The following REV3L variants were observed in gnomAD, a reference collection of about 807,000 sequenced individuals.
REV3L encodes DNA polymerase zeta catalytic subunit.
REV3L carries 69 observed loss-of-function variants against 299.4 expected under a neutral mutation model. The observed-to-expected ratio is 0.23, with a 90% confidence interval of 0.19 to 0.28. The LOEUF is 0.28. Among genes scored for constraint, REV3L ranks in the 10% least tolerant of loss-of-function variants. The pLI, the probability that REV3L is intolerant of heterozygous loss-of-function variation, is 1.00. For missense variants in REV3L, 3,128 were observed against 3,693.8 expected (o/e 0.85, Z 3.97); for synonymous variants, 1,238 against 1,271.4 (o/e 0.97, Z 0.56).
At chr6:111,478,095 C>T (rs1031351132) in intron 1 of REV3L, among the ~76,000 whole-genome samples, 1 of 152,220 alleles carries the variant, frequency 6.6e-6, no homozygotes, top group African/African-American at 2.4e-5. Context: ...TGTCAATTAC[C>T]TTGTAGCTGT....
Position 111,381,398 on chromosome 6 carries a change from T to G in REV3L, c.1143A>C (p.Ala381=). The change falls in exon 10 of 32, where the codon GCA becomes GCC. Residue 381 remains alanine, a synonymous_variant. Coordinates refer to ENST00000368802, the MANE Select transcript of REV3L (RefSeq NM_001372078.1). The part of the protein sequence containing the change: ...KVEEALINEE[A]ILNLMENSQT... ...GACTATTTTCCATAAGGTTCAAAAT[T>G]GCTTCTTCATTAATAAGAGCTTCTT... is the stretch of plus-strand genomic sequence containing the variant. 1 of 1,613,486 alleles carries G rather than the reference T, an allele frequency of 6.2e-7. No homozygotes were observed. The highest frequency in any genetic ancestry group is 8.5e-7 in the Non-Finnish European group (1 of 1,179,686).
chr6:111,419,254 G>GCACT (rs1203562205), intron 1 of REV3L, among the ~76,000 whole-genome samples: 1 of 152,008 alleles, frequency 6.6e-6, no homozygotes, highest in Non-Finnish European at 1.5e-5. Flanking sequence ...TCTTGGCATA[G>GCACT]CACTAACAGC....
At chr6:111,394,265 T>A (rs1320006708) in intron 4 of REV3L, among the ~76,000 whole-genome samples, 1 of 152,198 alleles carries the variant, frequency 6.6e-6, no homozygotes, top group Non-Finnish European at 1.5e-5. Context: ...CAACAGTGTA[T>A]AAGAGTTTCC....
chr6:111,425,467 A>G (rs1207481244), intron 1 of REV3L, among the ~76,000 whole-genome samples: 1 of 152,194 alleles, frequency 6.6e-6, no homozygotes, highest in Non-Finnish European at 1.5e-5. Flanking sequence ...TCAAAAAAGA[A>G]AAAAGAATAG....
rs755045446 is a variant in REV3L, at chr6:111,376,175, C to T, written c.2180G>A (p.Gly727Glu). The T allele has an allele frequency of 2.5e-6, 4 of 1,612,162 alleles. No homozygotes were observed. The Admixed American group carries it at 5.0e-5, about 20-fold the overall frequency. ...TAAACTACTCAGAGCTGTGCTGTTT[C>T]CTTTTTCATTTCCTTCAGAGGATAC... ...NKVSSEGNEK[G>E]NSTALSSLFP... Residue 727 changes from glycine (G) to glutamate (E), a missense_variant, in exon 13 of 32, where the codon GGA becomes GAA. Coordinates refer to ENST00000368802, the MANE Select transcript of REV3L (RefSeq NM_001372078.1).
intron 26 of REV3L, among the ~76,000 whole-genome samples, chr6:111,318,395 G>C (rs777528857): frequency 1.3e-5 from 2 of 152,092 alleles, no homozygotes; most frequent in Non-Finnish European, 2.9e-5. Flanking sequence ...ACCTCCCAAA[G>C]TGCTAGGATT....
chr6:111,477,923 A>G (rs1246957466), intron 1 of REV3L, among the ~76,000 whole-genome samples: 1 of 152,254 alleles, frequency 6.6e-6, no homozygotes, highest in African/African-American at 2.4e-5. Context: ...GTGATGGATT[A>G]TGAAAAGAAG....
chr6:111,473,980 A>G (rs1449152436), intron 1 of REV3L, among the ~76,000 whole-genome samples: 1 of 152,184 alleles, frequency 6.6e-6, no homozygotes, highest in Non-Finnish European at 1.5e-5. Context: ...ATTGCAAACA[A>G]AACTTGTCAG....
chr6:111,385,201 G>A (rs1053245305), intron 9 of REV3L, among the ~76,000 whole-genome samples: 2 of 151,990 alleles, frequency 1.3e-5, no homozygotes, highest in Non-Finnish European at 2.9e-5. Context: ...ACAACACAGT[G>A]ACTACAGTCA....
In REV3L at chr6:111,300,163, G is replaced by C. The variant is rs773261308; in HGVS notation, c.9253-7C>G. On this transcript the variant is annotated splice_polypyrimidine_tract_variant and splice_region_variant and intron_variant, in intron 31 of 31. Coordinates refer to ENST00000368802, the MANE Select transcript of REV3L (RefSeq NM_001372078.1). ...CTGTACAGTTCTTGCATATCTGAAA[G>C]CATAAGAGAAATACAAAAAATAATA... 1.9e-6 allele frequency: 3 copies of C among 1,552,418 alleles called. No individual in the cohort carries two copies. The highest frequency in any genetic ancestry group is 2.6e-6 in the Non-Finnish European group (3 of 1,154,626).
At chr6:111,475,654 A>G (rs1275737255) in intron 1 of REV3L, among the ~76,000 whole-genome samples, 1 of 151,936 alleles carries the variant, frequency 6.6e-6, no homozygotes, top group Non-Finnish European at 1.5e-5. Flanking sequence ...TTTCTACTGG[A>G]TTATTTTCTA....
intron 16 of REV3L, 47 bp downstream of exon 16, chr6:111,363,806 G>T (rs1437885308): frequency 6.3e-7 from 1 of 1,580,764 alleles, no homozygotes; most frequent in South Asian, 1.2e-5. Flanking sequence ...AATAAAACAG[G>T]AGTTAAACTG....
At chr6:111,481,003 G>A (rs1241745405) in intron 1 of REV3L, among the ~76,000 whole-genome samples, 2 of 151,926 alleles carry the variant, frequency 1.3e-5, no homozygotes, top group Non-Finnish European at 2.9e-5. Flanking sequence ...AATTACATTA[G>A]CTTACAGTGA....
At chr6:111,474,866 A>G (rs1488606619) in intron 1 of REV3L, among the ~76,000 whole-genome samples, 2 of 152,124 alleles carry the variant, frequency 1.3e-5, no homozygotes, top group African/African-American at 4.8e-5. Context: ...ACCAAACAGT[A>G]TACTTTAAAA....
chr6:111,388,387 C>CAAAA (rs1562236958), intron 7 of REV3L, among the ~76,000 whole-genome samples: 2 of 152,076 alleles, frequency 1.3e-5, no homozygotes, highest in African/African-American at 2.4e-5. Context: ...AATTTCCCCT[C>CAAAA]ATAAAATATA....
rs3218576 is a variant in REV3L, at chr6:111,363,982, T to TA, written c.6754-5dup. ...TATTTACTGCTGCAAATTGATTCTA[T>TA]AAAAAAAAACACACACACACACAGC... On this transcript the variant is annotated splice_polypyrimidine_tract_variant and splice_region_variant and intron_variant, in intron 15 of 31. Transcript: ENST00000368802. The TA allele has an allele frequency of 2.4e-3, 3,589 of 1,521,810 alleles. 1 individual carries two copies. The highest frequency in any genetic ancestry group is 9.4e-3 in the African/African-American group (677 of 71,914). 94.3% of individuals were successfully genotyped at this position (1,521,810 alleles called of 1,614,324 possible).
At position 111,375,857 on chromosome 6, in the gene REV3L, T is replaced by C; in HGVS notation, c.2498A>G (p.Asn833Ser). ...CTGATGACCTGCAAGTTTCCTTTTA[T>C]TCAATTTTAACCGGGATGGTTTATT... ...PGNKPSRLKL[N>S]KRKLAGHQET... The change falls in exon 13 of 32, where the codon AAT (asparagine) becomes AGT (serine). Residue 833 changes from asparagine (N) to serine (S), a missense_variant. Transcript: ENST00000368802. The C allele has an allele frequency of 6.2e-7, 1 of 1,613,824 alleles. No homozygotes were observed. The highest frequency in any genetic ancestry group is 1.3e-5 in the African/African-American group (1 of 75,024).
rs1043374089 is a variant in REV3L, at chr6:111,483,017, G to C, written c.-129C>G. ...CGGCACGGCCCCCTCCCCTCACACA[G>C]AGGCACCTCGAGGAGCGGCGGGCGG... On this transcript the variant is annotated 5_prime_UTR_variant, in exon 1 of 32. Transcript: ENST00000368802. The C allele has an allele frequency of 8.9e-7, 1 of 1,124,058 alleles. No individual in the cohort carries two copies. Among genetic ancestry groups the C allele is most frequent in the African/African-American group, 1.6e-5 (1 of 60,738 alleles). 69.6% of individuals were successfully genotyped at this position (1,124,058 alleles called of 1,614,324 possible). A position where few individuals can be genotyped will look rare whatever the true frequency, so the allele number is the denominator to read the frequency against.
chr6:111,327,960 T>G (rs970163277), intron 25 of REV3L, among the ~76,000 whole-genome samples: 2 of 152,224 alleles, frequency 1.3e-5, no homozygotes, highest in East Asian at 3.8e-4. Context: ...TTTCTCTTAC[T>G]GAACTAATGC....
Sources: gnomAD v4.1 joint callset for allele counts (sites outside exome capture counted in the v4.1 genomes callset) on GRCh38, gnomAD v4.1.1 for gene constraint, MANE v1.5 for transcripts, NCBI Gene and HGNC (gene_info 2026-07-23, HGNC 2026-07-21) for gene names.